NIBAN2: variants seen among roughly 807,000 people sequenced by gnomAD.
NIBAN2 encodes the protein protein Niban 2.
NIBAN2 carries 36 observed loss-of-function variants against 81.8 expected under a neutral mutation model. The observed-to-expected ratio is 0.44, with a 90% CI of 0.34 to 0.58. NIBAN2 has a LOEUF of 0.58. Among genes scored for constraint, NIBAN2 ranks in the 20% least tolerant of loss-of-function variants. NIBAN2 has a pLI of 0.02. For missense variants in NIBAN2, 897 were observed against 1,014.1 expected, an observed-to-expected ratio of 0.88 and a Z score of 1.57; for synonymous variants, 445 against 441.6, an observed-to-expected ratio of 1.01 and a Z score of -0.10.
At chr9:127,558,226 A>C (rs1837709635) in intron 1 of NIBAN2, among the ~76,000 whole-genome samples, 1 of 152,164 alleles carries the variant, frequency 6.6e-6, no homozygotes, top group Non-Finnish European at 1.5e-5. Context: ...TCTCTCCCAG[A>C]GAGCTTGTTT....
At chr9:127,525,937 G>A (rs1383420910) in intron 3 of NIBAN2, among the ~76,000 whole-genome samples, 1 of 152,030 alleles carries the variant, frequency 6.6e-6, no homozygotes. Flanking sequence ...AGTAGCAGGG[G>A]GCAAAGCAGT....
chr9:127,513,613 GACA>G lies in NIBAN2; in HGVS notation c.973+3241_973+3243del, dbSNP rs565122034. The stretch of plus-strand genomic sequence containing the variant: ...ACTGCTACACTCCCGCCAGCACCAT[GACA>G]GGTTACAGATGCCATGGCAACGTCA... On this transcript the variant is annotated intron_variant, in intron 8 of 13. Transcript: ENST00000373312. 6.5e-3 allele frequency among the ~76,000 whole-genome samples: 990 copies of G among 152,298 alleles called. 3 individuals carry two copies. Among genetic ancestry groups the G allele is most frequent in the Admixed American group, 9.9e-3 (152 of 15,288 alleles).
Position 127,517,827 on chromosome 9 carries a change from T to G in NIBAN2, c.704A>C (p.Gln235Pro). The G allele has an allele frequency of 6.3e-7, 1 of 1,596,918 alleles. No homozygotes were observed. The highest frequency in any genetic ancestry group is 8.6e-7 in the Non-Finnish European group (1 of 1,168,748). ...CCTCACCAGCCCGTCTGGCCTCACC[T>G]GCACCTCGTTCCCACACAGCATCTC... ...TWEMLCGNEV[Q>P]ILSNLVMEEL... Residue 235 changes from glutamine to proline, a missense_variant and splice_region_variant, in exon 6 of 14, where the codon CAG becomes CCG. By Grantham distance (76) the Gln-to-Pro change is moderately conservative. Coordinates refer to ENST00000373312, the MANE Select transcript of NIBAN2 (RefSeq NM_022833.4). The surrounding 1 kb of genome is among the most constrained non-coding windows in gnomAD (Gnocchi z 4.0).
Position 127,527,384 on chromosome 9 carries a change from G to A in NIBAN2, c.187-62C>T, listed in dbSNP as rs1837095016. On this transcript the variant is annotated intron_variant, in intron 2 of 13. Transcript: ENST00000373312. ...CTGGGGGGGTGGTGCTCCCCATGAA[G>A]CTGATGGCCCAGCCAGCAGAGCCTG... 2.7e-6 allele frequency: 4 copies of A among 1,506,322 alleles called. No homozygotes were observed. In the African/African-American group the frequency reaches 5.5e-5, roughly 21 times the overall value. 93.3% of individuals were successfully genotyped at this position (1,506,322 alleles called of 1,614,324 possible).
At position 127,517,193 on chromosome 9, in the gene NIBAN2, C is replaced by T. The variant is rs1266591120; in HGVS notation, c.729G>A (p.Glu243=). The change falls in exon 7 of 14, where the codon GAG becomes GAA. Residue 243 remains glutamate, a synonymous_variant. Transcript: ENST00000373312. This position sits in a 1 kb window ranked among gnomAD's most constrained non-coding sequence, Gnocchi z 4.0. ...EVQILSNLVM[E]ELGPELKAEL... ...CTGCCTTCAGCTCAGGGCCCAGCTCCTCCATCACCAGGTTGCTCAGGATCT... is the reference window on the plus strand; with the variant it reads ...CTGCCTTCAGCTCAGGGCCCAGCTCTTCCATCACCAGGTTGCTCAGGATCT... 6.2e-7 allele frequency: 1 copy of T among 1,614,008 alleles called. No homozygotes were observed. Among genetic ancestry groups the T allele is most frequent in the Non-Finnish European group, 8.5e-7 (1 of 1,179,992 alleles).
intron 3 of NIBAN2, among the ~76,000 whole-genome samples, chr9:127,526,746 C>A (rs1442139808): frequency 6.6e-6 from 1 of 152,162 alleles, no homozygotes; most frequent in Non-Finnish European, 1.5e-5. Context: ...TCTCGGACAC[C>A]TACCCACCTG....
intron 1 of NIBAN2, among the ~76,000 whole-genome samples, chr9:127,575,633 G>A (rs1373217678): frequency 1.4e-5 from 2 of 147,976 alleles, no homozygotes; most frequent in African/African-American, 5.0e-5. Flanking sequence ...AGGCTCAAGC[G>A]ATTCTCCTGC....
chr9:127,547,756 G>A (rs1257078596), intron 1 of NIBAN2, among the ~76,000 whole-genome samples: 1 of 151,880 alleles, frequency 6.6e-6, no homozygotes, highest in African/African-American at 2.4e-5. Context: ...AGAATCGCTT[G>A]AACCCTAGAG....
chr9:127,508,594 G>T lies in NIBAN2; in HGVS notation c.1318-56C>A. ...CCCAGGGTGACCACAGCCCCTTCCT[G>T]GGTGCCGCTGAGGGGTCCTCATCCT... On this transcript the variant is annotated intron_variant, in intron 10 of 13. Coordinates refer to ENST00000373312, the MANE Select transcript of NIBAN2 (RefSeq NM_022833.4). The surrounding 1 kb of genome is among the most constrained non-coding windows in gnomAD (Gnocchi z 6.4). 6.9e-7 allele frequency: 1 copy of T among 1,445,800 alleles called. No homozygotes were observed. The highest frequency in any genetic ancestry group is 9.7e-7 in the Non-Finnish European group (1 of 1,031,450). 89.6% of individuals were successfully genotyped at this position (1,445,800 alleles called of 1,614,324 possible).
chr9:127,515,853 A>AATC (rs1836820077), intron 8 of NIBAN2, among the ~76,000 whole-genome samples: 1 of 151,886 alleles, frequency 6.6e-6, no homozygotes, highest in Non-Finnish European at 1.5e-5. Context: ...TAATAATAAT[A>AATC]ATGGCTGGGC....
intron 9 of NIBAN2, 48 bp downstream of exon 9, chr9:127,510,098 C>G (rs746666359): frequency 6.4e-7 from 1 of 1,553,542 alleles, no homozygotes; most frequent in East Asian, 2.3e-5. Context: ...TGGGACAGAC[C>G]AGACCTACTC....
chr9:127,575,176 C>T (rs969883482), intron 1 of NIBAN2, among the ~76,000 whole-genome samples: 1 of 152,052 alleles, frequency 6.6e-6, no homozygotes, highest in East Asian at 1.9e-4. Context: ...TGAGATTTCA[C>T]ATCCTCAAAC....
chr9:127,546,549 C>T (rs562626386), intron 1 of NIBAN2, among the ~76,000 whole-genome samples: 77 of 152,272 alleles, frequency 5.1e-4, no homozygotes, highest in African/African-American at 9.6e-4. Flanking sequence ...CCAAGATGTC[C>T]GCAGTGTCAA....
chr9:127,553,450 C>T (rs997730614), intron 1 of NIBAN2, among the ~76,000 whole-genome samples: 4 of 152,252 alleles, frequency 2.6e-5, no homozygotes, highest in African/African-American at 9.6e-5. Context: ...GACGGAAACT[C>T]TTCCTGAGTA....
chr9:127,575,297 C>T (rs1837995419), intron 1 of NIBAN2, among the ~76,000 whole-genome samples: 1 of 150,222 alleles, frequency 6.7e-6, no homozygotes, highest in Non-Finnish European at 1.5e-5. Context: ...GGTGCGATCT[C>T]GGCTCACTGC....
At chr9:127,562,293 G>C (rs966297207) in intron 1 of NIBAN2, among the ~76,000 whole-genome samples, 5 of 152,192 alleles carry the variant, frequency 3.3e-5, no homozygotes, top group Admixed American at 1.3e-4. Flanking sequence ...ACTAATAGCA[G>C]AACGTGGTTT....
intron 3 of NIBAN2, among the ~76,000 whole-genome samples, chr9:127,526,720 T>A (rs1239751080): frequency 6.6e-6 from 1 of 151,990 alleles, no homozygotes; most frequent in Admixed American, 6.6e-5. Context: ...GGCACAATGC[T>A]CCCATAGGAT....
chr9:127,546,702 G>A (rs569877566), intron 1 of NIBAN2, among the ~76,000 whole-genome samples: 13 of 152,282 alleles, frequency 8.5e-5, no homozygotes, highest in East Asian at 1.9e-4. Flanking sequence ...AAGTTCAGGC[G>A]AGGCTCTGAG....
upstream of NIBAN2, chr9:127,569,201 G>T (rs1000870483): frequency 2.3e-6 from 1 of 434,682 alleles, no homozygotes; most frequent in Non-Finnish European, 2.7e-6. Context: ...ACCCCGCCCC[G>T]CCCCGCCCCG....
Sources: allele counts gnomAD v4.1 joint callset (sites outside exome capture counted in the v4.1 genomes callset), GRCh38; gene constraint gnomAD v4.1.1; non-coding constraint Gnocchi (gnomAD v3.1); transcripts MANE v1.5; gene names NCBI Gene and HGNC (gene_info 2026-07-23, HGNC 2026-07-21).